The following FEZ2 variants were observed in gnomAD, a reference collection of about 807,000 sequenced individuals.
FEZ2 encodes the protein fasciculation and elongation protein zeta 2.
FEZ2 carries 51 observed loss-of-function variants against 40.4 expected under a neutral mutation model. The observed-to-expected ratio is 1.26, with a 90% CI of 1.01 to 1.59. The LOEUF (loss-of-function observed/expected upper bound fraction) is 1.59. Among genes scored for constraint, FEZ2 ranks in the 40% most tolerant of loss-of-function variants. FEZ2 has a pLI of 0.00. For synonymous variants in FEZ2, 242 were observed against 172.0 expected, an observed-to-expected ratio of 1.41 and a Z score of -3.18; for missense variants, 640 against 438.3, an observed-to-expected ratio of 1.46 and a Z score of -4.11.
chr2:36,577,236 T>A (rs1668599147), intron 5 of FEZ2, among the ~76,000 whole-genome samples: 1 of 152,018 alleles, frequency 6.6e-6, no homozygotes, highest in Non-Finnish European at 1.5e-5. Context: ...AGAACTTTTT[T>A]CAAAGTCAGT....
At chr2:36,567,578 C>G (rs1006499519) in intron 5 of FEZ2, among the ~76,000 whole-genome samples, 2 of 151,886 alleles carry the variant, frequency 1.3e-5, no homozygotes, top group African/African-American at 2.4e-5. Context: ...CCTGGCCAAC[C>G]TGGTGAAACC....
At chr2:36,579,815 T>G (rs2125235002) in intron 4 of FEZ2, among the ~76,000 whole-genome samples, 1 of 152,320 alleles carries the variant, frequency 6.6e-6, no homozygotes, top group African/African-American at 2.4e-5. Context: ...CAGTCTTTTC[T>G]CAGCACTTCT....
chr2:36,557,359 T>C lies in FEZ2; in HGVS notation c.979+1079A>G, dbSNP rs146477862. 7.9e-5 allele frequency: 12 copies of C among 152,300 alleles called. No homozygotes were observed. The East Asian group carries it at 2.3e-3, about 29-fold the overall frequency. The allele number at this position is 152,300 out of a possible 1,614,324, so 9.4% of individuals were successfully genotyped here. ...TGGCATCACTTGATTTATCCATATT[T>C]AAATATAAAATTTTTAAAGAATTAT... On this transcript the variant is annotated intron_variant, in intron 6 of 7. Transcript: ENST00000405912.
intron 4 of FEZ2, chr2:36,579,130 T>C: frequency 2.5e-6 from 1 of 405,908 alleles, no homozygotes. Context: ...TTTTTACTTG[T>C]GCAAATAAAT....
intron 4 of FEZ2, 31 bp from the exon 5 acceptor site, chr2:36,578,896 T>A: frequency 6.3e-7 from 1 of 1,581,246 alleles, no homozygotes; most frequent in Admixed American, 1.9e-5. Flanking sequence ...CAGCAGATAT[T>A]AAGACAAAAA....
At chr2:36,584,325 G>A (rs1447786718) in intron 2 of FEZ2, among the ~76,000 whole-genome samples, 5 of 152,122 alleles carry the variant, frequency 3.3e-5, no homozygotes, top group South Asian at 4.1e-4. Context: ...ACCTCTTCAT[G>A]CCCAGGACTG....
chr2:36,566,017 T>C (rs1426449994), intron 5 of FEZ2, among the ~76,000 whole-genome samples: 2 of 152,186 alleles, frequency 1.3e-5, no homozygotes, highest in African/African-American at 4.8e-5. Flanking sequence ...CTGCAACCCA[T>C]GGGCAGCACA....
At chr2:36,566,891 A>G (rs1668255864) in intron 5 of FEZ2, among the ~76,000 whole-genome samples, 1 of 152,202 alleles carries the variant, frequency 6.6e-6, no homozygotes, top group East Asian at 1.9e-4. Flanking sequence ...CTATGGATTA[A>G]TTCAATCAAA....
At chr2:36,594,168 T>G (rs895887330) in intron 1 of FEZ2, among the ~76,000 whole-genome samples, 1 of 152,038 alleles carries the variant, frequency 6.6e-6, no homozygotes, top group African/African-American at 2.4e-5. Flanking sequence ...TGTCAGCATT[T>G]TGGGAAAGCC....
chr2:36,572,600 G>T (rs1013303433), intron 5 of FEZ2, among the ~76,000 whole-genome samples: 1 of 152,138 alleles, frequency 6.6e-6, no homozygotes, highest in African/African-American at 2.4e-5. Flanking sequence ...TGCTACAGAT[G>T]ATATATAAAT....
At chr2:36,558,872 AAATAGC>A (rs1292513424) in intron 5 of FEZ2, 1 of 159,646 alleles carries the variant, frequency 6.3e-6, no homozygotes, top group Admixed American at 6.4e-5. Context: ...CACATTTTAA[AAATAGC>A]AATTTAAACT....
chr2:36,573,921 T>C (rs1212107301), intron 5 of FEZ2, among the ~76,000 whole-genome samples: 2 of 152,216 alleles, frequency 1.3e-5, no homozygotes, highest in African/African-American at 4.8e-5. Flanking sequence ...CACAATAATT[T>C]GAAAAGCTGG....
intron 6 of FEZ2, chr2:36,556,065 A>G (rs1667952702): frequency 1.9e-6 from 1 of 518,060 alleles, no homozygotes; most frequent in South Asian, 1.5e-5. Context: ...TTCGCTCTGT[A>G]ATAATACCGG....
At position 36,560,116 on chromosome 2, in the gene FEZ2, T is replaced by C. The variant is rs566265532; in HGVS notation, c.904-1603A>G. Among the ~76,000 whole-genome samples, 13 of 152,376 alleles carry C rather than the reference T, an allele frequency of 8.5e-5. 1 individual carries two copies. Among genetic ancestry groups the C allele is most frequent in the African/African-American group, 3.1e-4 (13 of 41,586 alleles). On this transcript the variant is annotated intron_variant, in intron 5 of 7. Transcript: ENST00000405912. ...ATATAGTGAAAGGTAATTTTAAGCATACCCATTAATGTGAATGTTTCCCAT... is the reference window on the plus strand; with the variant it reads ...ATATAGTGAAAGGTAATTTTAAGCACACCCATTAATGTGAATGTTTCCCAT...
At chr2:36,577,534 G>A (rs762103881) in intron 5 of FEZ2, among the ~76,000 whole-genome samples, 3 of 152,166 alleles carry the variant, frequency 2.0e-5, no homozygotes, top group South Asian at 2.1e-4. Context: ...GATTACAGGC[G>A]CGAGCCACCG....
At chr2:36,567,949 AT>A (rs1432632504) in intron 5 of FEZ2, among the ~76,000 whole-genome samples, 2 of 152,170 alleles carry the variant, frequency 1.3e-5, no homozygotes, top group East Asian at 3.8e-4. Flanking sequence ...ATTCCAAAAA[AT>A]AACACACCCT....
intron 5 of FEZ2, among the ~76,000 whole-genome samples, chr2:36,574,102 T>C (rs961108251): frequency 3.9e-5 from 6 of 152,200 alleles, no homozygotes; most frequent in South Asian, 2.1e-4. Context: ...CCAAAGGGAA[T>C]TGTCTAGTAG....
chr2:36,581,214 T>G, intron 4 of FEZ2, 76 bp downstream of exon 4: 1 of 1,315,324 alleles, frequency 7.6e-7, no homozygotes, highest in Non-Finnish European at 1.1e-6. Context: ...AATCAAAGCT[T>G]TCTGGAGATG....
At chr2:36,576,590 G>C (rs1426682795) in intron 5 of FEZ2, among the ~76,000 whole-genome samples, 1 of 152,296 alleles carries the variant, frequency 6.6e-6, no homozygotes, top group Admixed American at 6.5e-5. Context: ...GCTTTAAAAG[G>C]ATACAGGAAA....
Sources: allele counts gnomAD v4.1 joint callset (sites outside exome capture counted in the v4.1 genomes callset), GRCh38; gene constraint gnomAD v4.1.1; transcripts MANE v1.5; gene names NCBI Gene and HGNC (gene_info 2026-07-23, HGNC 2026-07-21).